The following SAMMSON variants were observed in gnomAD, a reference collection of about 807,000 sequenced individuals.
SAMMSON encodes the protein survival associated mitochondrial melanoma specific oncogenic non-coding RNA, also known as long intergenic non-protein coding RNA 1212.
At chr3:70,113,745 G>C (rs1362691522) in intron 4 of SAMMSON, among the ~76,000 whole-genome samples, 1 of 152,172 alleles carries the variant, frequency 6.6e-6, no homozygotes, top group East Asian at 1.9e-4. Flanking sequence ...CTCAGTTGAT[G>C]GCATTTGGAG....
intron 4 of SAMMSON, among the ~76,000 whole-genome samples, chr3:70,176,786 T>G (rs1281301469): frequency 2.6e-5 from 4 of 152,190 alleles, no homozygotes. Context: ...AAATATTATA[T>G]AAACTGGTTA....
At chr3:70,354,619 C>A (rs1355544791) in intron 8 of SAMMSON, among the ~76,000 whole-genome samples, 2 of 152,168 alleles carry the variant, frequency 1.3e-5, no homozygotes, top group African/African-American at 4.8e-5. Flanking sequence ...TGACCCAGGG[C>A]TTCAGCTGCT....
intron 9 of SAMMSON, among the ~76,000 whole-genome samples, chr3:70,376,524 C>A (rs887922429): frequency 2.0e-5 from 3 of 152,146 alleles, no homozygotes; most frequent in Non-Finnish European, 4.4e-5. Flanking sequence ...ATCCATCAGA[C>A]ACCTTGTCAT....
intron 7 of SAMMSON, among the ~76,000 whole-genome samples, chr3:70,331,050 A>G (rs1488842395): frequency 6.6e-6 from 1 of 152,210 alleles, no homozygotes; most frequent in African/African-American, 2.4e-5. Context: ...TGGTGATATT[A>G]AGCCTGAGAA....
At chr3:70,263,266 A>G (rs950825184) in intron 6 of SAMMSON, among the ~76,000 whole-genome samples, 2 of 151,922 alleles carry the variant, frequency 1.3e-5, no homozygotes, top group African/African-American at 4.8e-5. Context: ...TATAAATTTT[A>G]TGTTATCGAG....
intron 4 of SAMMSON, among the ~76,000 whole-genome samples, chr3:70,241,165 T>A (rs1701664742): frequency 6.6e-6 from 1 of 152,136 alleles, no homozygotes; most frequent in African/African-American, 2.4e-5. Flanking sequence ...TCCTGGGAGT[T>A]GAGATATTTT....
intron 7 of SAMMSON, among the ~76,000 whole-genome samples, chr3:70,326,139 C>T (rs1411593744): frequency 6.6e-6 from 1 of 152,026 alleles, no homozygotes; most frequent in Non-Finnish European, 1.5e-5. Flanking sequence ...TTCCTCCCTC[C>T]TTCCCTCCCT....
At chr3:70,175,163 C>A in intron 4 of SAMMSON, among the ~76,000 whole-genome samples, 1 of 152,198 alleles carries the variant, frequency 6.6e-6, no homozygotes. Context: ...TTTCATCTCT[C>A]CTCTGCTAAT....
intron 4 of SAMMSON, among the ~76,000 whole-genome samples, chr3:70,222,439 G>A (rs1226691465): frequency 1.3e-5 from 2 of 152,084 alleles, no homozygotes; most frequent in African/African-American, 4.8e-5. Context: ...TGGTATTTAT[G>A]GATTTGTTTG....
intron 6 of SAMMSON, among the ~76,000 whole-genome samples, chr3:70,270,083 G>T (rs1481806877): frequency 6.6e-6 from 1 of 152,104 alleles, no homozygotes; most frequent in Non-Finnish European, 1.5e-5. Flanking sequence ...AAAATACAAT[G>T]TTCTAAGAAA....
intron 6 of SAMMSON, among the ~76,000 whole-genome samples, chr3:70,274,382 AGTAT>A: frequency 6.6e-6 from 1 of 152,168 alleles, no homozygotes; most frequent in East Asian, 1.9e-4. Flanking sequence ...ATATAGAATG[AGTAT>A]GTGATAGAAA....
chr3:70,426,853 C>T (rs1275189792), intron 2 of SAMMSON, among the ~76,000 whole-genome samples: 1 of 152,186 alleles, frequency 6.6e-6, no homozygotes, highest in Non-Finnish European at 1.5e-5. Flanking sequence ...TGCCTAGCAT[C>T]TGGATCATAC....
intron 2 of SAMMSON, among the ~76,000 whole-genome samples, chr3:70,419,944 T>G (rs1191447206): frequency 6.6e-6 from 1 of 152,190 alleles, no homozygotes; most frequent in Non-Finnish European, 1.5e-5. Context: ...AGCAAAATAG[T>G]TTTATACATA....
intron 4 of SAMMSON, among the ~76,000 whole-genome samples, chr3:70,234,420 A>G (rs1434201988): frequency 6.6e-6 from 1 of 152,104 alleles, no homozygotes. Flanking sequence ...AAGCTGAGGT[A>G]GGTGGATTTC....
intron 4 of SAMMSON, among the ~76,000 whole-genome samples, chr3:70,133,788 C>T (rs2067493602): frequency 6.6e-6 from 1 of 152,106 alleles, no homozygotes; most frequent in South Asian, 2.1e-4. Flanking sequence ...AGAGGTAAAA[C>T]AGTTGTTTTT....
At chr3:70,214,328 CA>C (rs1213897195) in intron 4 of SAMMSON, among the ~76,000 whole-genome samples, 3 of 152,098 alleles carry the variant, frequency 2.0e-5, no homozygotes, top group Non-Finnish European at 4.4e-5. Flanking sequence ...TGTAGCACTT[CA>C]ACTAAAACCC....
intron 3 of SAMMSON, among the ~76,000 whole-genome samples, chr3:70,049,424 A>C (rs1469950541): frequency 2.6e-5 from 4 of 152,188 alleles, no homozygotes; most frequent in Admixed American, 2.0e-4. Flanking sequence ...ACATAAATGC[A>C]TATCACAATG....
chr3:70,234,893 G>A (rs945596350), intron 4 of SAMMSON, among the ~76,000 whole-genome samples: 6 of 152,004 alleles, frequency 3.9e-5, no homozygotes, highest in South Asian at 2.1e-4. Flanking sequence ...CTTTTTAAAC[G>A]CTGCCTTGGA....
At chr3:70,380,812 C>T (rs551365134) in intron 9 of SAMMSON, among the ~76,000 whole-genome samples, 10 of 151,848 alleles carry the variant, frequency 6.6e-5, no homozygotes, top group Middle Eastern at 3.4e-3. Context: ...TTTGTCCTTG[C>T]GATAGTTTGC....
Sources: allele counts gnomAD v4.1 joint callset (sites outside exome capture counted in the v4.1 genomes callset), GRCh38; gene constraint gnomAD v4.1.1; transcripts MANE v1.5; gene names NCBI Gene and HGNC (gene_info 2026-07-23, HGNC 2026-07-21).